MAL: variants seen among roughly 807,000 people sequenced by gnomAD.
The protein encoded by MAL is mal, T cell differentiation protein (MAL blood group).
MAL carries 5 observed loss-of-function variants against 16.7 expected under a neutral mutation model. The observed-to-expected ratio is 0.30, with a 90% CI of 0.16 to 0.63. The LOEUF (loss-of-function observed/expected upper bound fraction) is 0.63. MAL is among the 30% of genes least tolerant of loss of function. The pLI is 0.82. For missense variants in MAL, 202 were observed against 195.8 expected, an observed-to-expected ratio of 1.03 and a Z score of -0.19; for synonymous variants, 96 against 85.5, an observed-to-expected ratio of 1.12 and a Z score of -0.67.
chr2:95,052,640 A>G (rs537339954), intron 3 of MAL, among the ~76,000 whole-genome samples: 1 of 152,262 alleles, frequency 6.6e-6, no homozygotes, highest in African/African-American at 2.4e-5. Flanking sequence ...CAGAGATTGG[A>G]CTTGGCAGCA....
intron 1 of MAL, among the ~76,000 whole-genome samples, chr2:95,027,750 C>T (rs1255189471): frequency 6.6e-6 from 1 of 152,130 alleles, no homozygotes; most frequent in Non-Finnish European, 1.5e-5. Context: ...CTCGCTCTGT[C>T]GCCCAGGCTG....
intron 1 of MAL, among the ~76,000 whole-genome samples, chr2:95,037,437 T>C (rs1203386723): frequency 6.6e-6 from 1 of 150,656 alleles, no homozygotes; most frequent in Non-Finnish European, 1.5e-5. Flanking sequence ...AGTGAGTGAC[T>C]GAGTGACTGA....
rs759950832 is a variant in MAL, at chr2:95,048,054, C to G, written c.189C>G (p.Phe63Leu). Residue 63 changes from phenylalanine (F) to leucine (L), a missense_variant, in exon 2 of 4, where the codon TTC (phenylalanine) becomes TTG (leucine). Physicochemically the swap from Phe to Leu is conservative, Grantham distance 22. Transcript: ENST00000309988. ...TGATGTTCGTGTCTGTGTTCTGCTTCGTGGCCACCACCACCTTGATCATCC... is the reference window on the plus strand; with the variant it reads ...TGATGTTCGTGTCTGTGTTCTGCTTGGTGGCCACCACCACCTTGATCATCC... Reference protein sequence around the residue: ...GWVMFVSVFCFVATTTLIILY... With the variant: ...GWVMFVSVFCLVATTTLIILY... 6.2e-7 allele frequency: 1 copy of G among 1,613,748 alleles called. No individual in the cohort carries two copies. The highest frequency in any genetic ancestry group is 1.7e-5 in the Admixed American group (1 of 59,998).
At chr2:95,036,009 C>A (rs910098836) in intron 1 of MAL, among the ~76,000 whole-genome samples, 1 of 152,226 alleles carries the variant, frequency 6.6e-6, no homozygotes, top group African/African-American at 2.4e-5. Flanking sequence ...CTATCCCCTT[C>A]TTCACAAACT....
At chr2:95,041,050 G>T (rs964997385) in intron 1 of MAL, among the ~76,000 whole-genome samples, 13 of 152,180 alleles carry the variant, frequency 8.5e-5, no homozygotes, top group African/African-American at 3.1e-4. Context: ...ATTTCCGTTT[G>T]TGGAGGCCCT....
chr2:95,036,089 G>T (rs1674197963), intron 1 of MAL, among the ~76,000 whole-genome samples: 1 of 152,190 alleles, frequency 6.6e-6, no homozygotes, highest in Non-Finnish European at 1.5e-5. Flanking sequence ...GCTAGCTGGG[G>T]GTGATGATGG....
intron 2 of MAL, among the ~76,000 whole-genome samples, chr2:95,049,267 A>G (rs988248206): frequency 6.6e-6 from 1 of 152,210 alleles, no homozygotes; most frequent in African/African-American, 2.4e-5. Context: ...GCCATGCACG[A>G]CACTTCTCAG....
intron 1 of MAL, among the ~76,000 whole-genome samples, chr2:95,041,619 A>G (rs1225905290): frequency 6.6e-6 from 1 of 152,172 alleles, no homozygotes; most frequent in Non-Finnish European, 1.5e-5. Context: ...GAGAGATTCA[A>G]TAACTTGCCC....
intron 1 of MAL, among the ~76,000 whole-genome samples, chr2:95,042,102 A>G (rs1238144073): frequency 6.6e-6 from 1 of 152,166 alleles, no homozygotes; most frequent in Non-Finnish European, 1.5e-5. Context: ...GTTCCAGGCA[A>G]GAAAGGGTTC....
intron 3 of MAL, among the ~76,000 whole-genome samples, chr2:95,052,414 C>T (rs1021594603): frequency 3.3e-5 from 5 of 152,182 alleles, no homozygotes; most frequent in Admixed American, 2.0e-4. Context: ...TGCCCAGATA[C>T]GTTCTCTTAA....
chr2:95,048,228 C>T (rs757302718), intron 2 of MAL, 102 bp downstream of exon 2: 13 of 1,195,174 alleles, frequency 1.1e-5, no homozygotes, highest in East Asian at 2.4e-5. Flanking sequence ...GAGACTTCTC[C>T]GTAGATGTCA....
At chr2:95,053,301 CGTGGGGCTGGA>C in intron 3 of MAL, 69 bp from the exon 4 acceptor site, 1 of 974,358 alleles carries the variant, frequency 1.0e-6, no homozygotes, top group Non-Finnish European at 1.7e-6. Context: ...CCCTACGCCA[CGTGGGGCTGGA>C]TGCAGTGCAG....
intron 3 of MAL, among the ~76,000 whole-genome samples, chr2:95,052,562 C>T (rs369308407): frequency 1.3e-5 from 2 of 152,330 alleles, no homozygotes; most frequent in African/African-American, 4.8e-5. Flanking sequence ...GAGGCGTAGC[C>T]GCCCTAAATG....
chr2:95,042,860 C>G (rs1440905979), intron 1 of MAL, among the ~76,000 whole-genome samples: 9 of 152,224 alleles, frequency 5.9e-5, no homozygotes, highest in Non-Finnish European at 2.9e-5. Flanking sequence ...GAACAGATTG[C>G]TCTGTGCCCA....
At chr2:95,047,877 C>A in intron 1 of MAL, 82 bp from the exon 2 acceptor site, 33 of 1,396,472 alleles carry the variant, frequency 2.4e-5, no homozygotes, top group Non-Finnish European at 3.2e-5. Flanking sequence ...CTCCAGTCAC[C>A]CCATGTGACC....
At chr2:95,027,247 G>A (rs1476133361) in intron 1 of MAL, among the ~76,000 whole-genome samples, 1 of 152,150 alleles carries the variant, frequency 6.6e-6, no homozygotes, top group African/African-American at 2.4e-5. Flanking sequence ...TCTGATCTGC[G>A]GGAAAGGTGA....
intron 2 of MAL, among the ~76,000 whole-genome samples, chr2:95,049,185 A>G (rs898014200): frequency 5.9e-5 from 9 of 152,208 alleles, no homozygotes; most frequent in Admixed American, 1.3e-4. Flanking sequence ...AAAACAAAAC[A>G]AAACGAAAGA....
chr2:95,040,675 C>G (rs1264573745), intron 1 of MAL, among the ~76,000 whole-genome samples: 6 of 152,158 alleles, frequency 3.9e-5, no homozygotes, highest in South Asian at 2.1e-4. Context: ...CTTGGGAAAG[C>G]ACAGAAGGGC....
chr2:95,041,199 T>G (rs2104350275), intron 1 of MAL, among the ~76,000 whole-genome samples: 1 of 152,264 alleles, frequency 6.6e-6, no homozygotes, highest in South Asian at 2.1e-4. Context: ...GAATGGAAAC[T>G]CCAGACGAAT....
Sources: gnomAD v4.1 joint callset for allele counts (sites outside exome capture counted in the v4.1 genomes callset) on GRCh38, gnomAD v4.1.1 for gene constraint, MANE v1.5 for transcripts, NCBI Gene and HGNC (gene_info 2026-07-23, HGNC 2026-07-21) for gene names.